CTNNA3: variants seen among roughly 807,000 people sequenced by gnomAD.
CTNNA3 encodes the protein catenin alpha-3.
Under a neutral mutation model 95.7 loss-of-function variants are expected in CTNNA3, and 76 were observed. That is an observed-to-expected ratio of 0.79 (90% confidence interval 0.66 to 0.96). The LOEUF (loss-of-function observed/expected upper bound fraction) is 0.96. CTNNA3 is among the 40% of genes least tolerant of loss of function. The pLI, the probability that CTNNA3 is intolerant of heterozygous loss-of-function variation, is 0.00. For synonymous variants in CTNNA3, 431 were observed against 374.4 expected, an observed-to-expected ratio of 1.15 and a Z score of -1.74; for missense variants, 1,191 against 1,089.8, an observed-to-expected ratio of 1.09 and a Z score of -1.31.
chr10:66,989,988 AT>A (rs528499312), intron 7 of CTNNA3, among the ~76,000 whole-genome samples: 8 of 152,148 alleles, frequency 5.3e-5, no homozygotes, highest in Non-Finnish European at 1.0e-4. Context: ...TTATACACAC[AT>A]TTTCAGGCAC....
At chr10:66,685,325 G>GTGTA (rs1361815002) in intron 9 of CTNNA3, among the ~76,000 whole-genome samples, 9 of 30,004 alleles carry the variant, frequency 3.0e-4, no homozygotes, top group Admixed American at 7.3e-4. Context: ...GTGTATGTGT[G>GTGTA]TATATATATA....
intron 6 of CTNNA3, among the ~76,000 whole-genome samples, chr10:67,189,142 CAA>C (rs202123310): frequency 7.2e-6 from 1 of 138,880 alleles, no homozygotes; most frequent in African/African-American, 2.7e-5. Context: ...ACAACAACAA[CAA>C]AAAAAAAAAC....
intron 5 of CTNNA3, among the ~76,000 whole-genome samples, chr10:67,295,643 C>G (rs915747735): frequency 5.9e-5 from 9 of 152,194 alleles, no homozygotes; most frequent in Admixed American, 2.0e-4. Context: ...TACCCAGCCA[C>G]TCACAGCTAA....
rs1388665817 is a variant in CTNNA3, at chr10:67,435,611, CA to C, written c.579+86230del. 2.0e-5 allele frequency among the ~76,000 whole-genome samples: 3 copies of C among 152,062 alleles called. No homozygotes were observed. The East Asian group carries it at 5.8e-4, about 29-fold the overall frequency. ...CTCCAGAAAGCTCCTAGAACTGATACAAGAATTCAGCAGTTTCTGGATACAA... is the reference window on the plus strand; with the variant it reads ...CTCCAGAAAGCTCCTAGAACTGATACAGAATTCAGCAGTTTCTGGATACAA... On this transcript the variant is annotated intron_variant, in intron 5 of 17. Coordinates refer to ENST00000433211, the MANE Select transcript of CTNNA3 (RefSeq NM_013266.4).
intron 15 of CTNNA3, among the ~76,000 whole-genome samples, chr10:66,007,048 C>A: frequency 6.6e-6 from 1 of 152,098 alleles, no homozygotes; most frequent in East Asian, 1.9e-4. Flanking sequence ...TAGTCTAGTA[C>A]AGCTATAGGT....
intron 2 of CTNNA3, among the ~76,000 whole-genome samples, chr10:67,638,895 A>G (rs559966968): frequency 1.3e-3 from 192 of 152,342 alleles, no homozygotes; most frequent in African/African-American, 4.4e-3. Context: ...AAATGCCCAC[A>G]AGAGAAAGCA....
At chr10:66,237,984 C>T (rs1012966875) in intron 13 of CTNNA3, among the ~76,000 whole-genome samples, 6 of 151,504 alleles carry the variant, frequency 4.0e-5, no homozygotes, top group South Asian at 2.1e-4. Context: ...AATTTTTTTT[C>T]TAAATTGTCA....
At chr10:67,405,217 C>A (rs1479538419) in intron 5 of CTNNA3, among the ~76,000 whole-genome samples, 1 of 151,500 alleles carries the variant, frequency 6.6e-6, no homozygotes, top group Non-Finnish European at 1.5e-5. Context: ...CAGTATTAAC[C>A]TTAAATGCTC....
At chr10:66,816,580 G>A (rs918652241) in intron 7 of CTNNA3, among the ~76,000 whole-genome samples, 3 of 152,056 alleles carry the variant, frequency 2.0e-5, no homozygotes, top group Non-Finnish European at 4.4e-5. Flanking sequence ...ATACCAGTTG[G>A]AGGCTTTAAT....
chr10:67,109,003 G>C (rs1430753005), intron 7 of CTNNA3, among the ~76,000 whole-genome samples: 1 of 152,036 alleles, frequency 6.6e-6, no homozygotes, highest in Admixed American at 6.6e-5. Flanking sequence ...TGTACTGTCA[G>C]AAGTTTTCTG....
chr10:67,635,455 A>C lies in CTNNA3; in HGVS notation c.99+11960T>G, dbSNP rs536183179. On this transcript the variant is annotated intron_variant, in intron 2 of 17. Transcript: ENST00000433211. ...GGCAAACTGAATCGAAGAGAACATC[A>C]AAAAAATTATCCACCATGATCGAGT... Among the ~76,000 whole-genome samples, 6 of 152,318 alleles carry C rather than the reference A, an allele frequency of 3.9e-5. No individual in the cohort carries two copies. In the South Asian group the frequency reaches 1.2e-3, roughly 32 times the overall value.
intron 5 of CTNNA3, among the ~76,000 whole-genome samples, chr10:67,301,990 A>C (rs910030345): frequency 2.8e-5 from 2 of 72,716 alleles, no homozygotes; most frequent in African/African-American, 1.4e-4. Context: ...AAAGAAAGAA[A>C]GAACGAAAGA....
At chr10:67,160,045 T>G (rs551189781) in intron 7 of CTNNA3, among the ~76,000 whole-genome samples, 1 of 151,018 alleles carries the variant, frequency 6.6e-6, no homozygotes, top group East Asian at 1.9e-4. Context: ...AATAACCCAA[T>G]AAAAAAAATG....
intron 16 of CTNNA3, among the ~76,000 whole-genome samples, chr10:65,970,580 T>C (rs1040006018): frequency 4.6e-5 from 7 of 151,466 alleles, no homozygotes; most frequent in Non-Finnish European, 1.0e-4. Context: ...GTTGAAGAAA[T>C]ATCTATCTTG....
chr10:66,428,406 A>G (rs1283622375), intron 11 of CTNNA3, among the ~76,000 whole-genome samples: 2 of 152,212 alleles, frequency 1.3e-5, no homozygotes, highest in African/African-American at 4.8e-5. Flanking sequence ...AGCAGACCTA[A>G]TAGACATCTA....
chr10:66,058,268 T>A (rs974772280), intron 15 of CTNNA3, among the ~76,000 whole-genome samples: 6 of 151,962 alleles, frequency 3.9e-5, no homozygotes, highest in African/African-American at 1.4e-4. Flanking sequence ...GCCAGGTGAG[T>A]TTCCTCCCTC....
At chr10:67,427,651 A>G (rs1845970242) in intron 5 of CTNNA3, among the ~76,000 whole-genome samples, 1 of 152,080 alleles carries the variant, frequency 6.6e-6, no homozygotes, top group South Asian at 2.1e-4. Flanking sequence ...AAGATCCAAA[A>G]TATTTAACTC....
At chr10:66,261,308 T>A (rs2090991127) in intron 13 of CTNNA3, among the ~76,000 whole-genome samples, 1 of 152,154 alleles carries the variant, frequency 6.6e-6, no homozygotes, top group African/African-American at 2.4e-5. Context: ...CTACCTCATC[T>A]TCTTTTACAG....
intron 9 of CTNNA3, among the ~76,000 whole-genome samples, chr10:66,730,770 A>C (rs1399667446): frequency 1.3e-5 from 2 of 152,196 alleles, no homozygotes; most frequent in Non-Finnish European, 2.9e-5. Flanking sequence ...AGGCACTGCT[A>C]ACCCAGAATA....
Sources: gnomAD v4.1 joint callset for allele counts (sites outside exome capture counted in the v4.1 genomes callset) on GRCh38, gnomAD v4.1.1 for gene constraint, MANE v1.5 for transcripts, NCBI Gene and HGNC (gene_info 2026-07-23, HGNC 2026-07-21) for gene names.